SDK1: variants seen among roughly 807,000 people sequenced by gnomAD.
The protein encoded by SDK1 is sidekick cell adhesion molecule 1, also known as protein sidekick-1.
SDK1 carries 157 observed loss-of-function variants against 245.5 expected under a neutral mutation model. The ratio of observed to expected loss-of-function variants is 0.64; its 90% CI spans 0.56 to 0.73. The LOEUF is 0.73. Among genes scored for constraint, SDK1 ranks in the 30% least tolerant of loss-of-function variants. SDK1 has a pLI of 0.00. For missense variants in SDK1, 3,583 were observed against 3,002.3 expected (o/e 1.19, Z -4.52); for synonymous variants, 1,647 against 1,278.5 (o/e 1.29, Z -6.15).
Position 4,245,742 on chromosome 7 carries a change from C to T in SDK1, c.6318C>T (p.Asn2106=), listed in dbSNP as rs775866388. 1.7e-5 allele frequency: 27 copies of T among 1,613,946 alleles called. No homozygotes were observed. Among genetic ancestry groups the T allele is most frequent in the South Asian group, 5.5e-5 (5 of 91,088 alleles). ...ACGAGGACATCTGCAACAAGTACAA[C>T]GGCGCCGTGCTGACCGAGAGCGTGA... ...YSDEDICNKY[N]GAVLTESVSL... is the part of the protein sequence containing the mutation. The change falls in exon 44 of 45, where the codon AAC becomes AAT. Residue 2106 remains asparagine, a synonymous_variant. Coordinates refer to ENST00000404826, the MANE Select transcript of SDK1 (RefSeq NM_152744.4).
At chr7:3,471,677 G>C (rs1781187448) in intron 1 of SDK1, among the ~76,000 whole-genome samples, 1 of 152,176 alleles carries the variant, frequency 6.6e-6, no homozygotes. Context: ...AGCTTAGCTT[G>C]TTTTCAAGAT....
chr7:4,200,619 T>C (rs1017092875), intron 35 of SDK1, among the ~76,000 whole-genome samples: 1 of 152,208 alleles, frequency 6.6e-6, no homozygotes. Context: ...TTCCTTGCCA[T>C]GAAGGGCCTC....
chr7:4,053,375 C>A (rs1210099047), intron 19 of SDK1, among the ~76,000 whole-genome samples: 1 of 152,010 alleles, frequency 6.6e-6, no homozygotes, highest in Admixed American at 6.5e-5. Flanking sequence ...CCTTTCCTCT[C>A]AAACGATGCA....
chr7:4,044,551 C>T (rs374544874), intron 17 of SDK1, among the ~76,000 whole-genome samples: 5 of 152,144 alleles, frequency 3.3e-5, no homozygotes, highest in South Asian at 4.1e-4. Context: ...TCAAACCATC[C>T]TCCCACCTCA....
intron 5 of SDK1, among the ~76,000 whole-genome samples, chr7:3,837,403 A>C (rs780422473): frequency 6.6e-6 from 1 of 152,204 alleles, no homozygotes; most frequent in Non-Finnish European, 1.5e-5. Flanking sequence ...CAGTCTGTGC[A>C]TTCTCCTAAG....
chr7:3,321,325 C>T (rs78053985), intron 1 of SDK1, among the ~76,000 whole-genome samples: 5,945 of 152,160 alleles, frequency 0.039, 352 homozygotes, highest in African/African-American at 0.13. Context: ...GAGCACATAA[C>T]GTTTCTTAAA....
chr7:3,664,472 C>T (rs1054071157), intron 4 of SDK1, among the ~76,000 whole-genome samples: 2 of 152,164 alleles, frequency 1.3e-5, no homozygotes, highest in Non-Finnish European at 2.9e-5. Context: ...GGCACAGTGG[C>T]TCACACCTGT....
chr7:3,659,300 G>C (rs924072664), intron 4 of SDK1, among the ~76,000 whole-genome samples: 2 of 152,064 alleles, frequency 1.3e-5, no homozygotes, highest in African/African-American at 4.8e-5. Flanking sequence ...ATAGGTTCCT[G>C]TTCTCAGAAT....
chr7:3,638,578 G>A (rs1339620563), intron 2 of SDK1, among the ~76,000 whole-genome samples: 3 of 138,898 alleles, frequency 2.2e-5, no homozygotes, highest in Non-Finnish European at 4.6e-5. Context: ...GGTGGGAATT[G>A]AACAGTGAGA....
chr7:3,914,702 G>T (rs1779305158), intron 5 of SDK1, among the ~76,000 whole-genome samples: 1 of 152,178 alleles, frequency 6.6e-6, no homozygotes, highest in South Asian at 2.1e-4. Flanking sequence ...ACGGTGACAT[G>T]GGCTGGGAGG....
At chr7:3,567,897 G>A (rs1779979696) in intron 1 of SDK1, among the ~76,000 whole-genome samples, 2 of 152,106 alleles carry the variant, frequency 1.3e-5, no homozygotes, top group African/African-American at 2.4e-5. Flanking sequence ...TTGCAGCCTC[G>A]AACTCGTGGG....
At chr7:3,834,735 G>A (rs748699662) in intron 5 of SDK1, among the ~76,000 whole-genome samples, 19 of 152,158 alleles carry the variant, frequency 1.2e-4, no homozygotes, top group Non-Finnish European at 2.6e-4. Context: ...TAAGTTCCGC[G>A]AGGATAGGGA....
At chr7:3,953,909 G>C (rs1008832626) in intron 7 of SDK1, among the ~76,000 whole-genome samples, 1 of 152,182 alleles carries the variant, frequency 6.6e-6, no homozygotes, top group South Asian at 2.1e-4. Flanking sequence ...ACCCTGAAGA[G>C]AGTGTCTGTG....
At chr7:3,376,314 A>G (rs11983341) in intron 1 of SDK1, among the ~76,000 whole-genome samples, 5 of 152,272 alleles carry the variant, frequency 3.3e-5, no homozygotes, top group African/African-American at 7.2e-5. Context: ...TTTCCTAACT[A>G]TGAATATGCA....
chr7:4,180,455 G>T (rs1782539307), intron 35 of SDK1, among the ~76,000 whole-genome samples: 2 of 148,618 alleles, frequency 1.3e-5, no homozygotes, highest in Non-Finnish European at 3.0e-5. Context: ...CCAGCACCCG[G>T]CTCCAGCTCT....
At chr7:3,384,321 T>A (rs1414365904) in intron 1 of SDK1, among the ~76,000 whole-genome samples, 1 of 152,190 alleles carries the variant, frequency 6.6e-6, no homozygotes, top group Admixed American at 6.5e-5. Flanking sequence ...TCATTTTTAT[T>A]TTATAAAACT....
At chr7:3,424,673 G>A (rs545843939) in intron 1 of SDK1, among the ~76,000 whole-genome samples, 1 of 152,238 alleles carries the variant, frequency 6.6e-6, no homozygotes, top group African/African-American at 2.4e-5. Flanking sequence ...GAGGTAGGAG[G>A]ATCGCTTGAG....
At chr7:3,308,966 C>A (rs1779485785) in intron 1 of SDK1, among the ~76,000 whole-genome samples, 1 of 151,976 alleles carries the variant, frequency 6.6e-6, no homozygotes, top group African/African-American at 2.4e-5. Context: ...CTGGTAGTTG[C>A]CTTTATTAAG....
At chr7:3,587,708 A>C (rs1336559382) in intron 1 of SDK1, among the ~76,000 whole-genome samples, 1 of 152,200 alleles carries the variant, frequency 6.6e-6, no homozygotes, top group Non-Finnish European at 1.5e-5. Flanking sequence ...CACACCCAGG[A>C]ATGATGTTTA....
Sources: gnomAD v4.1 joint callset for allele counts (sites outside exome capture counted in the v4.1 genomes callset) on GRCh38, gnomAD v4.1.1 for gene constraint, MANE v1.5 for transcripts, NCBI Gene and HGNC (gene_info 2026-07-23, HGNC 2026-07-21) for gene names.